Variants in KCNC2 observed in about 807,000 individuals in gnomAD.
The protein encoded by KCNC2 is potassium voltage-gated channel subfamily C member 2.
A neutral mutation model predicts 44.5 loss-of-function variants in KCNC2; 21 were observed. That is an observed-to-expected ratio of 0.47 (90% CI 0.33 to 0.68). The LOEUF is 0.68. Ranked by LOEUF, KCNC2 falls within the 30% of genes least tolerant of loss-of-function variation. The pLI, the probability that KCNC2 is intolerant of heterozygous loss-of-function variation, is 0.01. For missense variants in KCNC2, 589 were observed against 826.2 expected, an observed-to-expected ratio of 0.71 and a Z score of 3.52; for synonymous variants, 391 against 339.1, an observed-to-expected ratio of 1.15 and a Z score of -1.68.
At chr12:75,083,104 C>A (rs932990028) in intron 2 of KCNC2, among the ~76,000 whole-genome samples, 1 of 144,550 alleles carries the variant, frequency 6.9e-6, no homozygotes, top group African/African-American at 2.5e-5. Flanking sequence ...AAATTATTTT[C>A]TTTTATCTGT....
At chr12:75,195,203 T>G (rs2030656989) in intron 2 of KCNC2, among the ~76,000 whole-genome samples, 1 of 152,282 alleles carries the variant, frequency 6.6e-6, no homozygotes, top group African/African-American at 2.4e-5. Context: ...CCTGTATTTC[T>G]TGTACAGAGG....
At chr12:75,126,725 T>A (rs1235967716) in intron 2 of KCNC2, among the ~76,000 whole-genome samples, 1 of 152,230 alleles carries the variant, frequency 6.6e-6, no homozygotes. Context: ...AATCTTATCT[T>A]AAACACTATA....
At chr12:75,162,132 C>G (rs989167707) in intron 2 of KCNC2, among the ~76,000 whole-genome samples, 1 of 151,748 alleles carries the variant, frequency 6.6e-6, no homozygotes, top group African/African-American at 2.4e-5. Flanking sequence ...TCTCATCCCT[C>G]TCAACTTTAG....
At chr12:75,188,861 C>CA (rs924698812) in intron 2 of KCNC2, among the ~76,000 whole-genome samples, 2 of 142,494 alleles carry the variant, frequency 1.4e-5, no homozygotes, top group Non-Finnish European at 3.1e-5. Context: ...GACTCCATCT[C>CA]AATAAATAAA....
At position 75,042,716 on chromosome 12, in the gene KCNC2, T is replaced by C; in HGVS notation, c.*389A>G. 1.7e-6 allele frequency: 2 copies of C among 1,166,026 alleles called. No homozygotes were observed. The highest frequency in any genetic ancestry group is 2.1e-6 in the Non-Finnish European group (2 of 943,802). The allele number at this position is 1,166,026 out of a possible 1,614,324, so 72.2% of individuals were successfully genotyped here. ...TGCAATCAAGATAGGATCCCAGACA[T>C]CTTCAGAATGGTTTACAGTCACAAG... On this transcript the variant is annotated 3_prime_UTR_variant, in exon 5 of 5. Transcript: ENST00000549446.
At chr12:75,159,687 A>G (rs1276860673) in intron 2 of KCNC2, among the ~76,000 whole-genome samples, 1 of 151,856 alleles carries the variant, frequency 6.6e-6, no homozygotes, top group African/African-American at 2.4e-5. Flanking sequence ...AGCAGCTTAC[A>G]TATATGGCTA....
In KCNC2 at chr12:75,123,110, C is replaced by G. The variant is rs190634345; in HGVS notation, c.688-71793G>C. Among the ~76,000 whole-genome samples the G allele has an allele frequency of 2.0e-5, 3 of 151,740 alleles. No homozygotes were observed. In the East Asian group the frequency reaches 5.8e-4, roughly 29 times the overall value. Reference sequence around the variant, plus strand: ...AATGAAATAAAGATTGGAATATAGGCCTTTAAAAGATGATTTTTCTCTAAT... The same window carrying G: ...AATGAAATAAAGATTGGAATATAGGGCTTTAAAAGATGATTTTTCTCTAAT... On this transcript the variant is annotated intron_variant, in intron 2 of 4. Coordinates refer to ENST00000549446, the MANE Select transcript of KCNC2 (RefSeq NM_139137.4).
At chr12:75,126,872 A>C (rs1888462800) in intron 2 of KCNC2, among the ~76,000 whole-genome samples, 1 of 152,160 alleles carries the variant, frequency 6.6e-6, no homozygotes, top group African/African-American at 2.4e-5. Context: ...TAGGGTTCTT[A>C]AATCACATGG....
intron 2 of KCNC2, among the ~76,000 whole-genome samples, chr12:75,089,549 C>T (rs1049967590): frequency 6.6e-6 from 1 of 151,766 alleles, no homozygotes; most frequent in African/African-American, 2.4e-5. Context: ...ATTGTTTTAT[C>T]TACATGTTTC....
rs1555208212 is a variant in KCNC2, at chr12:75,086,681, A to ATATATAT, written c.688-35365_688-35364insATATATA. ...TTGGCAAAAAAAAAAAAAAAAAAAA[A>ATATATAT]ATATATATATATATATATACACACA... On this transcript the variant is annotated intron_variant, in intron 2 of 4. Coordinates refer to ENST00000549446, the MANE Select transcript of KCNC2 (RefSeq NM_139137.4). Among the ~76,000 whole-genome samples the ATATATAT allele has an allele frequency of 1.5e-4, 8 of 54,200 alleles. No individual in the cohort carries two copies. The East Asian group carries it at 3.3e-3, about 22-fold the overall frequency. The allele number at this position is 54,200 out of a possible 152,430, so 35.6% of individuals were successfully genotyped here. A position where few individuals can be genotyped will look rare whatever the true frequency, so the allele number is the denominator to read the frequency against.
At chr12:75,162,432 G>A (rs1891180580) in intron 2 of KCNC2, among the ~76,000 whole-genome samples, 2 of 151,680 alleles carry the variant, frequency 1.3e-5, no homozygotes, top group Admixed American at 1.3e-4. Context: ...CCTCAGGTTT[G>A]TGGGACTCTT....
chr12:75,174,821 G>A (rs985716070), intron 2 of KCNC2, among the ~76,000 whole-genome samples: 3 of 151,912 alleles, frequency 2.0e-5, no homozygotes, highest in Non-Finnish European at 2.9e-5. Context: ...TTCATTACAT[G>A]TTCTATTGAA....
chr12:75,204,657 T>A (rs1202823008), intron 2 of KCNC2, among the ~76,000 whole-genome samples: 2 of 152,152 alleles, frequency 1.3e-5, no homozygotes, highest in Non-Finnish European at 2.9e-5. Context: ...TTATGTTTCC[T>A]CGAATTGTGT....
Position 75,101,989 on chromosome 12 carries a change from C to T in KCNC2, c.688-50672G>A, listed in dbSNP as rs149259420. Among the ~76,000 whole-genome samples the T allele has an allele frequency of 5.9e-5, 9 of 152,072 alleles. No individual in the cohort carries two copies. The East Asian group carries it at 1.4e-3, about 23-fold the overall frequency. On this transcript the variant is annotated intron_variant, in intron 2 of 4. Transcript: ENST00000549446. The stretch of plus-strand genomic sequence containing the variant: ...AATGGGAAATAATAATAGTATGTCT[C>T]GGCGGACTGCCTAACACAAGAAAGT...
At chr12:75,135,612 T>C (rs1889171152) in intron 2 of KCNC2, among the ~76,000 whole-genome samples, 1 of 152,018 alleles carries the variant, frequency 6.6e-6, no homozygotes, top group African/African-American at 2.4e-5. Flanking sequence ...CCAGAACTTT[T>C]AGTGAAAGCT....
intron 2 of KCNC2, among the ~76,000 whole-genome samples, chr12:75,136,047 T>C (rs116146496): frequency 0.016 from 2,441 of 152,078 alleles, 68 homozygotes; most frequent in African/African-American, 0.054. Flanking sequence ...TCTATTATCC[T>C]TTTTTTCTTG....
chr12:75,058,621 G>A (rs1473347742), intron 2 of KCNC2, among the ~76,000 whole-genome samples: 2 of 151,924 alleles, frequency 1.3e-5, no homozygotes, highest in African/African-American at 2.4e-5. Flanking sequence ...TAGCACTATG[G>A]CACTGCAGTT....
At chr12:75,167,822 T>C (rs1891559041) in intron 2 of KCNC2, among the ~76,000 whole-genome samples, 1 of 151,386 alleles carries the variant, frequency 6.6e-6, no homozygotes, top group South Asian at 2.1e-4. Flanking sequence ...TATAATAAAA[T>C]TGAATCATGG....
intron 2 of KCNC2, among the ~76,000 whole-genome samples, chr12:75,096,449 C>T (rs1885931823): frequency 6.6e-6 from 1 of 151,942 alleles, no homozygotes; most frequent in South Asian, 2.1e-4. Context: ...AAAAAATACT[C>T]TTCTGCTAAA....
Sources: allele counts gnomAD v4.1 joint callset (sites outside exome capture counted in the v4.1 genomes callset), GRCh38; gene constraint gnomAD v4.1.1; transcripts MANE v1.5; gene names NCBI Gene and HGNC (gene_info 2026-07-23, HGNC 2026-07-21).